PDE8B: variants seen among roughly 807,000 people sequenced by gnomAD.
The protein encoded by PDE8B is high affinity cAMP-specific and IBMX-insensitive 3',5'-cyclic phosphodiesterase 8B.
A neutral mutation model predicts 101.3 loss-of-function variants in PDE8B; 26 were observed. The ratio of observed to expected loss-of-function variants is 0.26; its 90% confidence interval spans 0.19 to 0.36. PDE8B has a LOEUF of 0.36. Among genes scored for constraint, PDE8B ranks in the 10% least tolerant of loss-of-function variants. The pLI, the probability that PDE8B is intolerant of heterozygous loss-of-function variation, is 1.00. For synonymous variants in PDE8B, 424 were observed against 429.3 expected (o/e 0.99, Z 0.15); for missense variants, 810 against 1,163.1 (o/e 0.70, Z 4.42).
At chr5:77,164,497 C>T in the PDE8B span, among the ~76,000 whole-genome samples, 1 of 152,330 alleles carries the variant, frequency 6.6e-6, no homozygotes, top group Admixed American at 6.5e-5. Context: ...TTTACTTCTA[C>T]TTGCTCAGTC....
intron 1 of PDE8B, among the ~76,000 whole-genome samples, chr5:77,229,359 C>T (rs1035555668): frequency 3.3e-5 from 5 of 152,196 alleles, no homozygotes; most frequent in African/African-American, 1.2e-4. Context: ...CAATATTGTA[C>T]TCTGGCACGC....
At chr5:77,289,015 C>G (rs1766685330) in intron 1 of PDE8B, among the ~76,000 whole-genome samples, 1 of 152,042 alleles carries the variant, frequency 6.6e-6, no homozygotes, top group African/African-American at 2.4e-5. Flanking sequence ...CTTTTTTCCC[C>G]TCTTTCTTCG....
At chr5:77,379,114 A>G (rs1016683265) in intron 10 of PDE8B, among the ~76,000 whole-genome samples, 1 of 152,228 alleles carries the variant, frequency 6.6e-6, no homozygotes, top group African/African-American at 2.4e-5. Flanking sequence ...GCTCTTGCAA[A>G]TATGTGTAGA....
chr5:77,246,782 C>T (rs1757042062), intron 1 of PDE8B: 1 of 152,120 alleles, frequency 6.6e-6, no homozygotes, highest in Non-Finnish European at 1.5e-5. Context: ...GCTGTGAGCT[C>T]GTTGAGGAAA....
intron 1 of PDE8B, among the ~76,000 whole-genome samples, chr5:77,232,997 G>A (rs914027287): frequency 4.6e-5 from 7 of 152,144 alleles, no homozygotes; most frequent in Admixed American, 2.6e-4. Flanking sequence ...TGTTGGTAAG[G>A]GCTTGGCAGT....
chr5:77,336,679 A>T (rs529305464), intron 5 of PDE8B, among the ~76,000 whole-genome samples: 2 of 152,214 alleles, frequency 1.3e-5, no homozygotes, highest in African/African-American at 2.4e-5. Context: ...TGATGCTGCT[A>T]TGAACACACA....
chr5:77,116,800 A>C, the PDE8B span, among the ~76,000 whole-genome samples: 1 of 152,216 alleles, frequency 6.6e-6, no homozygotes, highest in Admixed American at 6.5e-5. Context: ...ACATGCAAAC[A>C]TGAGCAAACC....
chr5:77,226,488 A>T (rs2149462650), intron 1 of PDE8B, among the ~76,000 whole-genome samples: 1 of 152,190 alleles, frequency 6.6e-6, no homozygotes, highest in Non-Finnish European at 1.5e-5. Flanking sequence ...TCCCCTATTG[A>T]TGTTTTTTGG....
At chr5:77,143,389 T>C in the PDE8B span, among the ~76,000 whole-genome samples, 1 of 152,246 alleles carries the variant, frequency 6.6e-6, no homozygotes, top group African/African-American at 2.4e-5. Flanking sequence ...TTTTGAAATG[T>C]AACCTGTTAT....
the PDE8B span, among the ~76,000 whole-genome samples, chr5:77,163,720 A>G: frequency 4.6e-5 from 7 of 152,232 alleles, no homozygotes; most frequent in Non-Finnish European, 1.0e-4. Context: ...TCTCTGCCCA[A>G]TTGGCCAGCA....
In PDE8B at chr5:77,419,639, T is replaced by C. The variant is rs1796226991; in HGVS notation, c.2130-128T>C. 2.8e-6 allele frequency: 3 copies of C among 1,074,018 alleles called. No homozygotes were observed. In the East Asian group the frequency reaches 7.3e-5, roughly 26 times the overall value. The allele number at this position is 1,074,018 out of a possible 1,614,324, so 66.5% of individuals were successfully genotyped here. Reference sequence around the variant, plus strand: ...GGGAGGACGAGCTCTTCTTGTGATCTGCACACATTTCTTAACTCTGTGCCC... The same window carrying C: ...GGGAGGACGAGCTCTTCTTGTGATCCGCACACATTTCTTAACTCTGTGCCC... On this transcript the variant is annotated intron_variant, in intron 18 of 21. Transcript: ENST00000264917.
the PDE8B span, chr5:77,151,749 A>ACTCCCCAC: frequency 6.6e-6 from 1 of 151,638 alleles, no homozygotes; most frequent in East Asian, 1.9e-4. Flanking sequence ...CTTCACCACC[A>ACTCCCCAC]CTCCCCACTG....
intron 1 of PDE8B, among the ~76,000 whole-genome samples, chr5:77,213,318 T>C (rs1310613454): frequency 1.3e-5 from 2 of 152,252 alleles, no homozygotes; most frequent in African/African-American, 4.8e-5. Flanking sequence ...GTTCATTGAC[T>C]TAACACTACT....
upstream of PDE8B, chr5:77,210,641 G>T (rs1210546167): frequency 1.0e-6 from 1 of 982,260 alleles, no homozygotes; most frequent in African/African-American, 1.8e-5. This position sits in a 1 kb window ranked among gnomAD's most constrained non-coding sequence, Gnocchi z 4.9. Flanking sequence ...GGGGCGCCGC[G>T]GCGGGGAGGG....
chr5:77,373,027 C>CAAAAAAAAAAAAAAAAAA (rs35287095), intron 10 of PDE8B, among the ~76,000 whole-genome samples: 1 of 144,028 alleles, frequency 6.9e-6, no homozygotes, highest in South Asian at 2.2e-4. Flanking sequence ...GACTTCATCT[C>CAAAAAAAAAAAAAAAAAA]AAAAAAAAAA....
At chr5:77,173,554 G>C in the PDE8B span, among the ~76,000 whole-genome samples, 1 of 152,260 alleles carries the variant, frequency 6.6e-6, no homozygotes, top group East Asian at 1.9e-4. Context: ...AGAAGAAACA[G>C]AAGGGAAGAT....
chr5:77,209,231 G>T (rs751018897), upstream of PDE8B, among the ~76,000 whole-genome samples: 12 of 152,172 alleles, frequency 7.9e-5, no homozygotes, highest in Non-Finnish European at 1.6e-4. Context: ...GAAGAATAAG[G>T]TTAGACTCTC....
In PDE8B at chr5:77,418,933, T is replaced by C. The variant is rs141077481; in HGVS notation, c.2129+487T>C. On this transcript the variant is annotated intron_variant, in intron 18 of 21. Transcript: ENST00000264917. ...GCAGGTCCTCTTGCCTCCCAGCACC[T>C]TGCAGTCAGGCTTGTGGGTATTTCC... Among the ~76,000 whole-genome samples, 694 of 152,220 alleles carry C rather than the reference T, an allele frequency of 4.6e-3. 3 individuals are homozygous for C. The highest frequency in any genetic ancestry group is 0.016 in the African/African-American group (669 of 41,538).
chr5:77,164,181 G>A, the PDE8B span, among the ~76,000 whole-genome samples: 5 of 152,314 alleles, frequency 3.3e-5, no homozygotes, highest in African/African-American at 4.8e-5. Context: ...AAGGCATGGC[G>A]TATTTAAAAA....
Sources: gnomAD v4.1 joint callset for allele counts (sites outside exome capture counted in the v4.1 genomes callset) on GRCh38, gnomAD v4.1.1 for gene constraint, Gnocchi (gnomAD v3.1) non-coding constraint, MANE v1.5 for transcripts, NCBI Gene and HGNC (gene_info 2026-07-23, HGNC 2026-07-21) for gene names.